The following DDX10 variants were observed in gnomAD, a reference collection of about 807,000 sequenced individuals.
The protein encoded by DDX10 is DEAD-box helicase 10.
In DDX10, 74 loss-of-function variants were observed where a neutral mutation model predicts 104.3. That is an observed-to-expected ratio of 0.71 (90% confidence interval 0.59 to 0.86). The LOEUF is 0.86. Ranked by LOEUF, DDX10 falls within the 40% of genes least tolerant of loss-of-function variation. DDX10 has a pLI of 0.00. For missense variants in DDX10, 952 were observed against 1,040.0 expected (o/e 0.92, Z 1.16); for synonymous variants, 351 against 353.4 (o/e 0.99, Z 0.08).
At position 108,870,275 on chromosome 11, in the gene DDX10, T is replaced by C. The variant is rs185748725; in HGVS notation, c.2304+18066T>C. ...CAGTCTTCTAACTAGTCTGCTAGTCTTCTTTCTCTTATCCTCCCACTCTTC... is the reference window on the plus strand; with the variant it reads ...CAGTCTTCTAACTAGTCTGCTAGTCCTCTTTCTCTTATCCTCCCACTCTTC... On this transcript the variant is annotated intron_variant, in intron 16 of 17. Transcript: ENST00000322536. Among the ~76,000 whole-genome samples the C allele has an allele frequency of 1.2e-3, 185 of 152,318 alleles. 1 individual carries two copies. Among genetic ancestry groups the C allele is most frequent in the African/African-American group, 4.4e-3 (183 of 41,580 alleles).
intron 9 of DDX10, among the ~76,000 whole-genome samples, chr11:108,705,756 G>A (rs920918171): frequency 5.3e-5 from 8 of 152,054 alleles, no homozygotes; most frequent in African/African-American, 1.7e-4. Context: ...CCAAGTATCC[G>A]TTGTGTTCTC....
At chr11:108,677,435 A>G (rs975019908) in intron 4 of DDX10, among the ~76,000 whole-genome samples, 192 bp downstream of exon 4, 2 of 150,104 alleles carry the variant, frequency 1.3e-5, no homozygotes, top group South Asian at 4.2e-4. Flanking sequence ...CAGAAAGTCC[A>G]TTTTTTTTTG....
intron 13 of DDX10, among the ~76,000 whole-genome samples, chr11:108,748,637 G>A (rs1326399077): frequency 6.6e-6 from 1 of 152,094 alleles, no homozygotes; most frequent in Non-Finnish European, 1.5e-5. Context: ...TGAAGATAGT[G>A]TTCTTGCTAA....
rs150316644 is a variant in DDX10, at chr11:108,668,550, G to C, written c.186+3211G>C. Among the ~76,000 whole-genome samples the C allele has an allele frequency of 6.1e-3, 930 of 152,280 alleles. 11 individuals carry two copies. The highest frequency in any genetic ancestry group is 0.021 in the African/African-American group (876 of 41,556). ...CATTCTCTAGGTAAACAAGGTGCAGGCCCTCACTATGTGGCTCCTCAGGTG... is the reference window on the plus strand; with the variant it reads ...CATTCTCTAGGTAAACAAGGTGCAGCCCCTCACTATGTGGCTCCTCAGGTG... On this transcript the variant is annotated intron_variant, in intron 1 of 17. Coordinates refer to ENST00000322536, the MANE Select transcript of DDX10 (RefSeq NM_004398.4).
chr11:108,789,007 C>T (rs1861834210), intron 13 of DDX10, among the ~76,000 whole-genome samples: 1 of 152,206 alleles, frequency 6.6e-6, no homozygotes, highest in Non-Finnish European at 1.5e-5. Context: ...CGTACCCTCT[C>T]TGGGCTGGCC....
At chr11:108,911,556 CTTTTTTTTTTT>C (rs869132450) in intron 16 of DDX10, among the ~76,000 whole-genome samples, 3 of 63,690 alleles carry the variant, frequency 4.7e-5, no homozygotes, top group African/African-American at 1.3e-4. Context: ...GCCTCCTCTT[CTTTTTTTTTTT>C]TTTTTTTTTT....
chr11:108,903,798 C>T (rs1192774871), intron 16 of DDX10, among the ~76,000 whole-genome samples: 1 of 152,022 alleles, frequency 6.6e-6, no homozygotes, highest in Non-Finnish European at 1.5e-5. Context: ...TATGGGTAGC[C>T]CACATTTTAT....
chr11:108,760,065 G>A lies in DDX10; in HGVS notation c.1965+36603G>A, dbSNP rs183482635. ...ACATAAATTGTGTTTGTTAGTGAAG[G>A]GTACTCCTATCAATTCCTTTGTTTC... On this transcript the variant is annotated intron_variant, in intron 13 of 17. Transcript: ENST00000322536. Among the ~76,000 whole-genome samples the A allele has an allele frequency of 4.6e-5, 7 of 151,094 alleles. No homozygotes were observed. In the East Asian group the frequency reaches 1.4e-3, roughly 29 times the overall value.
At chr11:108,741,720 A>AGGTGTAGAATCAT (rs2094325417) in intron 13 of DDX10, among the ~76,000 whole-genome samples, 1 of 152,174 alleles carries the variant, frequency 6.6e-6, no homozygotes, top group East Asian at 1.9e-4. Flanking sequence ...GGGATTTCCT[A>AGGTGTAGAATCAT]GGTGTAGAAT....
At chr11:108,888,398 C>A (rs527592831) in intron 16 of DDX10, among the ~76,000 whole-genome samples, 17 of 152,058 alleles carry the variant, frequency 1.1e-4, no homozygotes, top group South Asian at 4.2e-4. Flanking sequence ...CCAAAGAGTC[C>A]CCTAAACTTC....
At chr11:108,901,551 C>G (rs1863517042) in intron 16 of DDX10, among the ~76,000 whole-genome samples, 1 of 152,148 alleles carries the variant, frequency 6.6e-6, no homozygotes, top group African/African-American at 2.4e-5. Context: ...GTTTTGTGAA[C>G]ATTCTGGGGT....
chr11:108,698,638 A>T (rs1591794873), intron 9 of DDX10, among the ~76,000 whole-genome samples: 1 of 151,978 alleles, frequency 6.6e-6, no homozygotes, highest in Non-Finnish European at 1.5e-5. Context: ...TTTCCCAGGC[A>T]CCCCTTAGGA....
chr11:108,837,607 CTTTTTTTTTTTTTTT>C lies in DDX10; in HGVS notation c.1966-818_1966-804del, dbSNP rs142381520. 6.9e-3 allele frequency among the ~76,000 whole-genome samples: 239 copies of C among 34,758 alleles called. 2 individuals are homozygous for C. The highest frequency in any genetic ancestry group is 0.026 in the African/African-American group (205 of 7,944). The allele number at this position is 34,758 out of a possible 152,430, so 22.8% of individuals were successfully genotyped here. The stretch of plus-strand genomic sequence containing the variant: ...TTCTGCATCTCACCTTTGGATACAG[CTTTTTTTTTTTTTTT>C]TTTTTTTTTTTTTTTTTTTTAGGCA... On this transcript the variant is annotated intron_variant, in intron 13 of 17. Coordinates refer to ENST00000322536, the MANE Select transcript of DDX10 (RefSeq NM_004398.4).
In DDX10 at chr11:108,857,366, C is replaced by G. The variant is rs1442106362; in HGVS notation, c.2304+5157C>G. On this transcript the variant is annotated intron_variant, in intron 16 of 17. Coordinates refer to ENST00000322536, the MANE Select transcript of DDX10 (RefSeq NM_004398.4). The stretch of plus-strand genomic sequence containing the variant: ...GGGACAAGCCATTTATCTTTCTGGG[C>G]CTGTTCTCAGCATGTGTAAAAGGTT... 2.0e-5 allele frequency among the ~76,000 whole-genome samples: 3 copies of G among 152,078 alleles called. No individual in the cohort carries two copies. In the South Asian group the frequency reaches 6.2e-4, roughly 32 times the overall value.
intron 13 of DDX10, among the ~76,000 whole-genome samples, chr11:108,756,439 C>G (rs1429496840): frequency 6.6e-6 from 1 of 151,968 alleles, no homozygotes; most frequent in Admixed American, 6.6e-5. Context: ...TAGATCAGAG[C>G]TAAATTTAAA....
intron 13 of DDX10, among the ~76,000 whole-genome samples, chr11:108,736,607 C>T (rs1248278063): frequency 1.3e-5 from 2 of 152,156 alleles, no homozygotes; most frequent in Non-Finnish European, 2.9e-5. Flanking sequence ...AGGGCACCTT[C>T]CTCCTTAATG....
intron 13 of DDX10, among the ~76,000 whole-genome samples, chr11:108,838,162 AG>A (rs150685901): frequency 0.021 from 3,141 of 152,036 alleles, 109 homozygotes; most frequent in African/African-American, 0.07. Context: ...TGTAATTTTT[AG>A]TCCTTAAATA....
intron 16 of DDX10, among the ~76,000 whole-genome samples, chr11:108,883,837 C>G (rs1863259713): frequency 6.6e-6 from 1 of 152,174 alleles, no homozygotes; most frequent in African/African-American, 2.4e-5. Flanking sequence ...CCTTGAAGCC[C>G]TTCTTCAGTA....
intron 13 of DDX10, among the ~76,000 whole-genome samples, chr11:108,770,903 GT>G (rs532635148): frequency 6.6e-6 from 1 of 150,824 alleles, no homozygotes; most frequent in Non-Finnish European, 1.5e-5. Flanking sequence ...TCTGTTTTTA[GT>G]TTTTTTTTGT....
Sources: gnomAD v4.1 joint callset for allele counts (sites outside exome capture counted in the v4.1 genomes callset) on GRCh38, gnomAD v4.1.1 for gene constraint, MANE v1.5 for transcripts, NCBI Gene and HGNC (gene_info 2026-07-23, HGNC 2026-07-21) for gene names.